Variants in MAML2 observed in about 807,000 individuals in gnomAD.
MAML2 encodes mastermind-like protein 2.
MAML2 carries 22 observed loss-of-function variants against 96.1 expected under a neutral mutation model. The ratio of observed to expected loss-of-function variants is 0.23; its 90% CI spans 0.16 to 0.33. The LOEUF is 0.33. Among genes scored for constraint, MAML2 ranks in the 10% least tolerant of loss-of-function variants. The pLI is 1.00. For missense variants in MAML2, 1,367 were observed against 1,392.4 expected (o/e 0.98, Z 0.29); for synonymous variants, 561 against 521.3 (o/e 1.08, Z -1.04).
At chr11:96,290,408 T>C (rs563187137) in intron 1 of MAML2, among the ~76,000 whole-genome samples, 12 of 152,362 alleles carry the variant, frequency 7.9e-5, no homozygotes, top group Non-Finnish European at 1.6e-4. Flanking sequence ...ATAACTGTGT[T>C]GCTTCTATTC....
At chr11:96,206,163 G>A (rs1394832966) in intron 1 of MAML2, among the ~76,000 whole-genome samples, 1 of 151,096 alleles carries the variant, frequency 6.6e-6, no homozygotes, top group Non-Finnish European at 1.5e-5. Flanking sequence ...AAAATGCTTT[G>A]TGAACATGGA....
chr11:96,256,044 C>T (rs936957713), intron 1 of MAML2, among the ~76,000 whole-genome samples: 4 of 151,642 alleles, frequency 2.6e-5, no homozygotes, highest in Admixed American at 2.0e-4. Flanking sequence ...CAGCTAATTT[C>T]TGTATTTTTA....
At chr11:96,140,926 C>G (rs117169198) in intron 1 of MAML2, among the ~76,000 whole-genome samples, 1 of 152,288 alleles carries the variant, frequency 6.6e-6, no homozygotes, top group East Asian at 1.9e-4. Context: ...TTATTTGCTG[C>G]TTTTGACTCA....
In MAML2 at chr11:95,979,164, G is replaced by T; in HGVS notation, c.3255C>A (p.Ser1085Arg). The change falls in exon 5 of 5, where the codon AGC becomes AGA. Residue 1085 changes from serine (S) to arginine (R), a missense_variant. Transcript: ENST00000524717. ...GINQPPSLTP[S>R]NFPSPNQSSR... ...AACTTTGGTTGGGTGAAGGAAAATT[G>T]CTGGGCGTCAGGGATGGTGGCTGGT... 1.2e-6 allele frequency: 2 copies of T among 1,614,012 alleles called. No individual in the cohort carries two copies. Among genetic ancestry groups the T allele is most frequent in the South Asian group, 1.1e-5 (1 of 91,084 alleles).
chr11:96,192,679 C>T (rs188807968), intron 1 of MAML2, among the ~76,000 whole-genome samples: 18 of 152,288 alleles, frequency 1.2e-4, no homozygotes, highest in Non-Finnish European at 1.8e-4. Flanking sequence ...CTTGGAATGA[C>T]GCCTTCTAAC....
chr11:96,051,660 G>A (rs1240138803), intron 2 of MAML2, among the ~76,000 whole-genome samples: 1 of 152,042 alleles, frequency 6.6e-6, no homozygotes, highest in Non-Finnish European at 1.5e-5. Context: ...TTCTATGCAG[G>A]GTCTTCTGCC....
intron 1 of MAML2, among the ~76,000 whole-genome samples, chr11:96,148,659 TACACACACACACACACACACACACACAC>T (rs58470055): frequency 1.5e-5 from 2 of 131,870 alleles, no homozygotes; most frequent in African/African-American, 2.9e-5. Flanking sequence ...TTCTGAAAAA[TACACACACACACACACACACACACACAC>T]ACACACACAC....
At chr11:96,020,551 G>A (rs1264281915) in intron 2 of MAML2, among the ~76,000 whole-genome samples, 1 of 152,182 alleles carries the variant, frequency 6.6e-6, no homozygotes, top group Non-Finnish European at 1.5e-5. Context: ...GGGGGTGACT[G>A]GGGCACTGAG....
At chr11:96,164,575 AGAGT>A (rs1861162046) in intron 1 of MAML2, among the ~76,000 whole-genome samples, 1 of 152,218 alleles carries the variant, frequency 6.6e-6, no homozygotes, top group Non-Finnish European at 1.5e-5. Flanking sequence ...TCTTCTTTTT[AGAGT>A]GATACAGATT....
At chr11:96,068,643 A>G (rs1859284871) in intron 2 of MAML2, among the ~76,000 whole-genome samples, 1 of 152,056 alleles carries the variant, frequency 6.6e-6, no homozygotes, top group Non-Finnish European at 1.5e-5. Context: ...CCTGGCTAAC[A>G]CGGTGAAACC....
At chr11:96,043,705 T>C (rs1045875778) in intron 2 of MAML2, among the ~76,000 whole-genome samples, 2 of 152,208 alleles carry the variant, frequency 1.3e-5, no homozygotes, top group Non-Finnish European at 2.9e-5. Context: ...TAACAAAATA[T>C]TTTTTGGGCA....
chr11:96,311,908 T>C (rs1165246188), intron 1 of MAML2, among the ~76,000 whole-genome samples: 5 of 152,112 alleles, frequency 3.3e-5, no homozygotes, highest in Non-Finnish European at 7.4e-5. Flanking sequence ...GTAACAATAA[T>C]AAAGCTATAG....
chr11:96,059,006 C>T (rs1391053422), intron 2 of MAML2, among the ~76,000 whole-genome samples: 3 of 152,136 alleles, frequency 2.0e-5, no homozygotes, highest in Non-Finnish European at 4.4e-5. Flanking sequence ...TGCTTGAACC[C>T]GGGAGGTGGA....
intron 2 of MAML2, among the ~76,000 whole-genome samples, chr11:96,083,745 A>G (rs905568238): frequency 6.6e-6 from 1 of 152,180 alleles, no homozygotes; most frequent in East Asian, 1.9e-4. Context: ...GCAACATAGT[A>G]GATGTGTTAG....
chr11:96,021,002 A>G (rs1348894577), intron 2 of MAML2, among the ~76,000 whole-genome samples: 2 of 152,186 alleles, frequency 1.3e-5, no homozygotes, highest in Admixed American at 6.5e-5. Flanking sequence ...GCTAGGAATT[A>G]TGGATTTCTT....
intron 1 of MAML2, among the ~76,000 whole-genome samples, chr11:96,277,723 C>T (rs1220063081): frequency 2.2e-5 from 3 of 136,020 alleles, no homozygotes; most frequent in South Asian, 4.7e-4. Context: ...GGGCAACAGA[C>T]ACTCTGCCTC....
At chr11:96,116,005 C>T (rs1860231230) in intron 1 of MAML2, among the ~76,000 whole-genome samples, 1 of 152,184 alleles carries the variant, frequency 6.6e-6, no homozygotes. Flanking sequence ...GAGGGTCTCT[C>T]CAAAGCTGGT....
At chr11:96,086,617 T>G (rs189135160) in intron 2 of MAML2, among the ~76,000 whole-genome samples, 1 of 152,324 alleles carries the variant, frequency 6.6e-6, no homozygotes, top group East Asian at 1.9e-4. Flanking sequence ...ACTCTGAAAA[T>G]TTTACACTTC....
At chr11:96,324,883 T>TA (rs1863753835) in intron 1 of MAML2, among the ~76,000 whole-genome samples, 1 of 152,220 alleles carries the variant, frequency 6.6e-6, no homozygotes, top group Non-Finnish European at 1.5e-5. Context: ...AATGACCTTG[T>TA]AGCCCTCGCT....
Sources: allele counts gnomAD v4.1 joint callset (sites outside exome capture counted in the v4.1 genomes callset), GRCh38; gene constraint gnomAD v4.1.1; transcripts MANE v1.5; gene names NCBI Gene and HGNC (gene_info 2026-07-23, HGNC 2026-07-21).